The following TPMT variants were observed in gnomAD, a reference collection of about 807,000 sequenced individuals.
The protein encoded by TPMT is S-adenosyl-L-methionine:thiopurine S-methyltransferase.
A neutral mutation model predicts 34.2 loss-of-function variants in TPMT; 18 were observed. That is an observed-to-expected ratio of 0.53 (90% CI 0.36 to 0.78). The LOEUF is 0.78. Among genes scored for constraint, TPMT ranks in the 30% least tolerant of loss-of-function variants. TPMT has a pLI of 0.00. For synonymous variants in TPMT, 69 were observed against 92.4 expected, an observed-to-expected ratio of 0.75 and a Z score of 1.45; for missense variants, 265 against 288.1, an observed-to-expected ratio of 0.92 and a Z score of 0.58.
Position 18,154,765 on chromosome 6 carries a change from C to T in TPMT, c.-45+268G>A, listed in dbSNP as rs529806233. The stretch of plus-strand genomic sequence containing the variant: ...GCTAGCATGGGCGACAGAGGGAGAC[C>T]CTGTCTCTAAAAGAAAAAAGAAAAA... On this transcript the variant is annotated intron_variant, in intron 1 of 8. Transcript: ENST00000309983. The surrounding 1 kb of genome is among the most constrained non-coding windows in gnomAD (Gnocchi z 4.2). Among the ~76,000 whole-genome samples, 2 of 152,144 alleles carry T rather than the reference C, an allele frequency of 1.3e-5. No homozygotes were observed. Among genetic ancestry groups the T allele is most frequent in the African/African-American group, 2.4e-5 (1 of 41,500 alleles).
chr6:18,139,067 G>C lies in TPMT; in HGVS notation c.420-30C>G. 6.3e-7 allele frequency: 1 copy of C among 1,590,994 alleles called. No individual in the cohort carries two copies. The highest frequency in any genetic ancestry group is 1.1e-5 in the South Asian group (1 of 90,646). On this transcript the variant is annotated intron_variant, in intron 5 of 8. Coordinates refer to ENST00000309983, the MANE Select transcript of TPMT (RefSeq NM_000367.5). This position sits in a 1 kb window ranked among gnomAD's most constrained non-coding sequence, Gnocchi z 4.2. ...CAGAAAGAGAAAAAACATTTTATGGGAGAAAAATCAAATCTTTAAGAAGAT... is the reference window on the plus strand; with the variant it reads ...CAGAAAGAGAAAAAACATTTTATGGCAGAAAAATCAAATCTTTAAGAAGAT...
At chr6:18,144,415 C>A (rs1784211107) in intron 3 of TPMT, among the ~76,000 whole-genome samples, 1 of 152,154 alleles carries the variant, frequency 6.6e-6, no homozygotes, top group South Asian at 2.1e-4. Flanking sequence ...CACTTTGTTG[C>A]CCAGGCTGGA....
intron 1 of TPMT, among the ~76,000 whole-genome samples, chr6:18,152,783 C>T (rs530532141): frequency 6.6e-6 from 1 of 152,186 alleles, no homozygotes; most frequent in South Asian, 2.1e-4. Context: ...CACAATTAGG[C>T]TTTGTTCTAT....
At chr6:18,134,969 C>A (rs1460889479) in intron 6 of TPMT, among the ~76,000 whole-genome samples, 1 of 152,202 alleles carries the variant, frequency 6.6e-6, no homozygotes, top group Non-Finnish European at 1.5e-5. Flanking sequence ...AGACTGTGAT[C>A]TATGTCCAGA....
Position 18,150,996 on chromosome 6 carries a change from G to A in TPMT, c.-44-1825C>T, listed in dbSNP as rs927225183. 2.6e-5 allele frequency among the ~76,000 whole-genome samples: 4 copies of A among 152,138 alleles called. No homozygotes were observed. Among genetic ancestry groups the A allele is most frequent in the African/African-American group, 7.2e-5 (3 of 41,428 alleles). On this transcript the variant is annotated intron_variant, in intron 1 of 8. Coordinates refer to ENST00000309983, the MANE Select transcript of TPMT (RefSeq NM_000367.5). The surrounding 1 kb of genome is among the most constrained non-coding windows in gnomAD (Gnocchi z 5.3). Reference sequence around the variant, plus strand: ...CCCAAAGTGCTGGGATTCCAGGCGTGGGCCACTGAGCCTGGCCATCCCTCT... The same window carrying A: ...CCCAAAGTGCTGGGATTCCAGGCGTAGGCCACTGAGCCTGGCCATCCCTCT...
At chr6:18,142,482 C>A (rs561803722) in intron 4 of TPMT, among the ~76,000 whole-genome samples, 33 of 152,234 alleles carry the variant, frequency 2.2e-4, no homozygotes, top group African/African-American at 7.5e-4. Context: ...CTTCCCTGTG[C>A]CAACAGCCTC....
chr6:18,129,690 AAAC>A lies in TPMT; in HGVS notation c.*975_*977del, dbSNP rs1222905397. ...TGATTTAAACAGATTAAATTATAAA[AAAC>A]AACAATTGCCAAACTCAGAGAAAAC... On this transcript the variant is annotated 3_prime_UTR_variant, in exon 9 of 9. Transcript: ENST00000309983. 3.9e-5 allele frequency: 6 copies of A among 152,254 alleles called. No individual in the cohort carries two copies. Among genetic ancestry groups the A allele is most frequent in the Admixed American group, 3.3e-4 (5 of 15,290 alleles). The allele number at this position is 152,254 out of a possible 1,614,324, so 9.4% of individuals were successfully genotyped here. A position where few individuals can be genotyped will look rare whatever the true frequency, so the allele number is the denominator to read the frequency against.
At position 18,139,167 on chromosome 6, in the gene TPMT, TC is replaced by T; in HGVS notation, c.420-131del. The T allele has an allele frequency of 8.1e-6, 7 of 867,676 alleles. No individual in the cohort carries two copies. Among genetic ancestry groups the T allele is most frequent in the Non-Finnish European group, 1.2e-5 (6 of 516,824 alleles). 53.7% of individuals were successfully genotyped at this position (867,676 alleles called of 1,614,324 possible). On this transcript the variant is annotated intron_variant, in intron 5 of 8. Transcript: ENST00000309983. The surrounding 1 kb of genome is among the most constrained non-coding windows in gnomAD (Gnocchi z 4.2). ...ATTAGGATCTCACGTCTGCGTTTCC[TC>T]CTAGAGGAATGTGTGGACCTGGGTG... is the stretch of plus-strand genomic sequence containing the variant.
At chr6:18,137,826 T>A (rs1370960742) in intron 6 of TPMT, among the ~76,000 whole-genome samples, 1 of 152,082 alleles carries the variant, frequency 6.6e-6, no homozygotes, top group Non-Finnish European at 1.5e-5. Flanking sequence ...GCTCTTGTCG[T>A]CCAGGCTGGA....
rs191447957 is a variant in TPMT, at chr6:18,130,996, G to A, written c.626-216C>T. ...TCTACTAAAAATACAAAATGAGCTG[G>A]GTATGGTGGCACATGCCTGTAATCC... is the stretch of plus-strand genomic sequence containing the variant. On this transcript the variant is annotated intron_variant, in intron 8 of 8. Transcript: ENST00000309983. The surrounding 1 kb of genome is among the most constrained non-coding windows in gnomAD (Gnocchi z 4.2). Among the ~76,000 whole-genome samples, 44 of 152,144 alleles carry A rather than the reference G, an allele frequency of 2.9e-4. No individual in the cohort carries two copies. The highest frequency in any genetic ancestry group is 9.6e-4 in the African/African-American group (40 of 41,522).
In TPMT at chr6:18,148,009, T is replaced by G. The variant is rs1784279679; in HGVS notation, c.141-94A>C. ...CACTTAATATTCCCAACAACCTTAA[T>G]AAGCAGTTACTATTAATTATTATAA... On this transcript the variant is annotated intron_variant, in intron 2 of 8. Transcript: ENST00000309983. This position sits in a 1 kb window ranked among gnomAD's most constrained non-coding sequence, Gnocchi z 4.1. 20 of 974,926 alleles carry G rather than the reference T, an allele frequency of 2.1e-5. No individual in the cohort carries two copies. The highest frequency in any genetic ancestry group is 2.8e-5 in the Non-Finnish European group (17 of 615,482). The allele number at this position is 974,926 out of a possible 1,614,324, so 60.4% of individuals were successfully genotyped here. A position where few individuals can be genotyped will look rare whatever the true frequency, so the allele number is the denominator to read the frequency against.
In TPMT at chr6:18,139,856, C is replaced by A; in HGVS notation, c.367-139G>T. On this transcript the variant is annotated intron_variant, in intron 4 of 8. Transcript: ENST00000309983. The surrounding 1 kb of genome is among the most constrained non-coding windows in gnomAD (Gnocchi z 4.2). Reference sequence around the variant, plus strand: ...AACATAATTAAAGTAAATAATTTTACTGCACTTTATTGGCACCTTATTTTT... The same window carrying A: ...AACATAATTAAAGTAAATAATTTTAATGCACTTTATTGGCACCTTATTTTT... The A allele has an allele frequency of 4.8e-6, 3 of 627,036 alleles. No homozygotes were observed. In the South Asian group the frequency reaches 6.1e-5, roughly 13 times the overall value. 38.8% of individuals were successfully genotyped at this position (627,036 alleles called of 1,614,324 possible).
In TPMT at chr6:18,136,985, T is replaced by C. The variant is rs1291450113; in HGVS notation, c.494+1978A>G. On this transcript the variant is annotated intron_variant, in intron 6 of 8. Coordinates refer to ENST00000309983, the MANE Select transcript of TPMT (RefSeq NM_000367.5). The surrounding 1 kb of genome is among the most constrained non-coding windows in gnomAD (Gnocchi z 4.7). ...TGGAAAAGAGATAAAGGAGGAGCAG[T>C]GAGAAAAAGAGGGAAACAGGAGCAT... 6.6e-6 allele frequency among the ~76,000 whole-genome samples: 1 copy of C among 151,848 alleles called. No homozygotes were observed. The highest frequency in any genetic ancestry group is 1.5e-5 in the Non-Finnish European group (1 of 67,960).
intron 6 of TPMT, among the ~76,000 whole-genome samples, chr6:18,134,538 G>C (rs904877704): frequency 1.3e-5 from 2 of 152,186 alleles, no homozygotes; most frequent in African/African-American, 4.8e-5. Flanking sequence ...CCTTTGAGTA[G>C]GTGCCTCAGG....
Position 18,139,688 on chromosome 6 carries a change from A to G in TPMT, c.396T>C (p.Cys132=), listed in dbSNP as rs1784107597. The G allele has an allele frequency of 1.9e-6, 3 of 1,613,914 alleles. No individual in the cohort carries two copies. The Admixed American group carries it at 5.0e-5, about 27-fold the overall frequency. Residue 132 remains cysteine, a synonymous_variant, in exon 5 of 9, where the codon TGT becomes TGC. Transcript: ENST00000309983. This position sits in a 1 kb window ranked among gnomAD's most constrained non-coding sequence, Gnocchi z 4.2. ...KSSSGNISLY[C]CSIFDLPRTN... ...ACCTGGGAAGATCAAAAATACTGCA[A>G]CAGTACAATGAAATGTTCCCCGAAG...
rs1430219901 is a variant in TPMT at position 18,129,849 on chromosome 6, A to C, written c.*819T>G. 6.6e-6 allele frequency: 1 copy of C among 152,238 alleles called. No homozygotes were observed. Among genetic ancestry groups the C allele is most frequent in the Non-Finnish European group, 1.5e-5 (1 of 68,048 alleles). The allele number at this position is 152,238 out of a possible 1,614,324, so 9.4% of individuals were successfully genotyped here. A position where few individuals can be genotyped will look rare whatever the true frequency, so the allele number is the denominator to read the frequency against. ...TTTGTTTCTTGATTCTGTTATATACATGGAGAAACCATGTGAAAAGGGATG... is the reference window on the plus strand; with the variant it reads ...TTTGTTTCTTGATTCTGTTATATACCTGGAGAAACCATGTGAAAAGGGATG... On this transcript the variant is annotated 3_prime_UTR_variant, in exon 9 of 9. Coordinates refer to ENST00000309983, the MANE Select transcript of TPMT (RefSeq NM_000367.5).
Position 18,140,258 on chromosome 6 carries a change from A to T in TPMT, c.367-541T>A, listed in dbSNP as rs554590465. Among the ~76,000 whole-genome samples, 2 of 152,336 alleles carry T rather than the reference A, an allele frequency of 1.3e-5. No individual in the cohort carries two copies. Among genetic ancestry groups the T allele is most frequent in the Admixed American group, 1.3e-4 (2 of 15,298 alleles). On this transcript the variant is annotated intron_variant, in intron 4 of 8. Transcript: ENST00000309983. This position sits in a 1 kb window ranked among gnomAD's most constrained non-coding sequence, Gnocchi z 4.7. ...CAGTCTCTGACCACAGTGAGGACAG[A>T]CTAGAGCAGAGAAGCGTGGGCACAG... is the stretch of plus-strand genomic sequence containing the variant.
rs1783973440 is a variant in TPMT at position 18,132,939 on chromosome 6, C to A, written c.581-762G>T. ...TGAAATCCTGTCTCTACTAAAAATA[C>A]AGAAATTAGCTGGGTGTGATGGCAT... is the stretch of plus-strand genomic sequence containing the variant. On this transcript the variant is annotated intron_variant, in intron 7 of 8. Transcript: ENST00000309983. This position sits in a 1 kb window ranked among gnomAD's most constrained non-coding sequence, Gnocchi z 4.8. 6.6e-6 allele frequency among the ~76,000 whole-genome samples: 1 copy of A among 151,912 alleles called. No individual in the cohort carries two copies. The highest frequency in any genetic ancestry group is 2.1e-4 in the South Asian group (1 of 4,828).
rs1308652210 is a variant in TPMT, at chr6:18,128,682, T to TC, written c.*1985dup. ...CCACAGCTCCCAGGCGTACACAGAT[T>TC]CCCCTTTCAGCAGTCAACTTGCCTT... On this transcript the variant is annotated 3_prime_UTR_variant, in exon 9 of 9. Coordinates refer to ENST00000309983, the MANE Select transcript of TPMT (RefSeq NM_000367.5). This position sits in a 1 kb window ranked among gnomAD's most constrained non-coding sequence, Gnocchi z 4.6. 2 of 152,534 alleles carry TC rather than the reference T, an allele frequency of 1.3e-5. No individual in the cohort carries two copies. Among genetic ancestry groups the TC allele is most frequent in the East Asian group, 3.9e-4 (2 of 5,188 alleles). 9.4% of individuals were successfully genotyped at this position (152,534 alleles called of 1,614,324 possible).
Sources: allele counts gnomAD v4.1 joint callset (sites outside exome capture counted in the v4.1 genomes callset), GRCh38; gene constraint gnomAD v4.1.1; non-coding constraint Gnocchi (gnomAD v3.1); transcripts MANE v1.5; gene names NCBI Gene and HGNC (gene_info 2026-07-23, HGNC 2026-07-21).